TENM2: variants seen among roughly 807,000 people sequenced by gnomAD.
TENM2 encodes teneurin-2.
In TENM2, 52 loss-of-function variants were observed where a neutral mutation model predicts 245.2. The observed-to-expected ratio is 0.21, with a 90% CI of 0.17 to 0.27. The LOEUF is 0.27. Among genes scored for constraint, TENM2 ranks in the 10% least tolerant of loss-of-function variants. The pLI is 1.00. For missense variants in TENM2, 3,046 were observed against 3,666.8 expected (o/e 0.83, Z 4.37); for synonymous variants, 1,363 against 1,438.9 (o/e 0.95, Z 1.19).
the TENM2 span, among the ~76,000 whole-genome samples, chr5:167,210,922 T>G: frequency 6.6e-6 from 1 of 152,136 alleles, no homozygotes; most frequent in Non-Finnish European, 1.5e-5. Context: ...ATGTATTATC[T>G]CCCCTTCAGG....
At chr5:168,172,398 G>A (rs752884962) in intron 13 of TENM2, among the ~76,000 whole-genome samples, 10 of 152,252 alleles carry the variant, frequency 6.6e-5, no homozygotes, top group South Asian at 4.1e-4. Flanking sequence ...TTGCTAAAAC[G>A]TCACCCACAT....
chr5:168,168,460 A>C (rs1409426253), intron 13 of TENM2, among the ~76,000 whole-genome samples: 4 of 152,208 alleles, frequency 2.6e-5, no homozygotes, highest in African/African-American at 9.6e-5. Flanking sequence ...TGGGTGGATT[A>C]CTTGAGCTCA....
chr5:167,205,082 C>T, the TENM2 span, among the ~76,000 whole-genome samples: 2 of 152,124 alleles, frequency 1.3e-5, no homozygotes, highest in Non-Finnish European at 2.9e-5. Context: ...GGACTCTTTC[C>T]ATTGAATATG....
intron 1 of TENM2, among the ~76,000 whole-genome samples, chr5:167,298,160 C>A (rs1021163953): frequency 6.6e-6 from 1 of 151,810 alleles, no homozygotes; most frequent in African/African-American, 2.4e-5. Flanking sequence ...CTGCCTCGAG[C>A]GGGATTGGGG....
At chr5:167,929,705 CT>C (rs1778134859) in intron 3 of TENM2, among the ~76,000 whole-genome samples, 5 of 152,122 alleles carry the variant, frequency 3.3e-5, no homozygotes, top group Admixed American at 2.6e-4. Context: ...GACTCTGGAC[CT>C]GAAGGACTCT....
chr5:167,416,441 T>G (rs1040400440), intron 2 of TENM2, among the ~76,000 whole-genome samples: 1 of 152,188 alleles, frequency 6.6e-6, no homozygotes, highest in African/African-American at 2.4e-5. Context: ...GGGCTCCTAA[T>G]TGCAAGTAGT....
intron 2 of TENM2, among the ~76,000 whole-genome samples, chr5:167,481,072 G>T (rs970559310): frequency 4.6e-5 from 7 of 152,136 alleles, no homozygotes; most frequent in African/African-American, 1.7e-4. Context: ...GTACTGTCTG[G>T]TTGTGTAGTT....
At chr5:167,762,487 C>G (rs1762747381) in intron 2 of TENM2, among the ~76,000 whole-genome samples, 1 of 152,144 alleles carries the variant, frequency 6.6e-6, no homozygotes. Context: ...TTCTCTTGCC[C>G]ATGTGAAAAC....
At chr5:167,957,560 G>T (rs1031132479) in intron 4 of TENM2, among the ~76,000 whole-genome samples, 1 of 152,164 alleles carries the variant, frequency 6.6e-6, no homozygotes, top group African/African-American at 2.4e-5. Context: ...TTTGAATTGT[G>T]ATGTTAGGGT....
chr5:167,218,193 T>G, the TENM2 span, among the ~76,000 whole-genome samples: 1 of 152,244 alleles, frequency 6.6e-6, no homozygotes, highest in Admixed American at 6.5e-5. Context: ...CTCTGTTTTT[T>G]ATCCTAATTA....
the TENM2 span, among the ~76,000 whole-genome samples, chr5:167,023,519 A>G: frequency 6.6e-6 from 1 of 151,986 alleles, no homozygotes; most frequent in Non-Finnish European, 1.5e-5. Context: ...TGTGAGCATA[A>G]AAGTGTTGAT....
downstream of TENM2, chr5:168,263,040 A>C: frequency 2.0e-6 from 1 of 488,412 alleles, no homozygotes; most frequent in Non-Finnish European, 3.6e-6. Context: ...AAACAAAACA[A>C]ACGAATGAAT....
rs370994752 is a variant in TENM2 at position 167,690,101 on chromosome 5, C to CTT, written c.503-185860_503-185859dup. On this transcript the variant is annotated intron_variant, in intron 2 of 28. Transcript: ENST00000518659. ...AGGCGAAATTTAGGAAAAAAACACACTTTTTTTTTTTTTTTTTTTTTTTTT... is the reference window on the plus strand; with the variant it reads ...AGGCGAAATTTAGGAAAAAAACACACTTTTTTTTTTTTTTTTTTTTTTTTTTT... 1.1e-3 allele frequency among the ~76,000 whole-genome samples: 130 copies of CTT among 119,904 alleles called. 1 individual carries two copies. Among genetic ancestry groups the CTT allele is most frequent in the African/African-American group, 1.7e-3 (57 of 33,280 alleles). 78.7% of individuals were successfully genotyped at this position (119,904 alleles called of 152,430 possible).
At chr5:167,228,863 C>T in the TENM2 span, among the ~76,000 whole-genome samples, 1 of 152,140 alleles carries the variant, frequency 6.6e-6, no homozygotes, top group African/African-American at 2.4e-5. Flanking sequence ...CGCCACCACG[C>T]CCGGCTACTT....
chr5:167,008,781 C>T, the TENM2 span, among the ~76,000 whole-genome samples: 4 of 151,964 alleles, frequency 2.6e-5, no homozygotes, highest in African/African-American at 9.7e-5. Context: ...CGTGCCTGTG[C>T]GTTAGGTTTG....
chr5:167,350,763 GAT>G (rs1244103717), intron 1 of TENM2, among the ~76,000 whole-genome samples: 136 of 120,328 alleles, frequency 1.1e-3, no homozygotes, highest in African/African-American at 3.9e-3. Context: ...TATACATATG[GAT>G]ATATATATAT....
chr5:167,566,704 C>A (rs763876952), intron 2 of TENM2, among the ~76,000 whole-genome samples: 5 of 152,094 alleles, frequency 3.3e-5, no homozygotes, highest in Non-Finnish European at 7.4e-5. Flanking sequence ...TAACAAGAAC[C>A]AAATAGTCCA....
At position 167,936,322 on chromosome 5, in the gene TENM2, G is replaced by A. The variant is rs139440416; in HGVS notation, c.713-16266G>A. Among the ~76,000 whole-genome samples, 19 of 152,326 alleles carry A rather than the reference G, an allele frequency of 1.2e-4. No homozygotes were observed. The East Asian group carries it at 3.7e-3, about 29-fold the overall frequency. On this transcript the variant is annotated intron_variant, in intron 3 of 28. Coordinates refer to ENST00000518659, the Ensembl canonical transcript of TENM2. ...CACAGTATAGTTTCTTAAACAGCTT[G>A]CAATAGATCACATGAGCTTTAGCAA...
intron 2 of TENM2, among the ~76,000 whole-genome samples, chr5:167,391,622 CAAAA>C (rs56202184): frequency 7.5e-5 from 4 of 53,500 alleles, no homozygotes; most frequent in Admixed American, 4.4e-4. Context: ...AAGACTTCAT[CAAAA>C]AAAAAAAAAA....
Sources: gnomAD v4.1 joint callset for allele counts (sites outside exome capture counted in the v4.1 genomes callset) on GRCh38, gnomAD v4.1.1 for gene constraint, MANE v1.5 for transcripts, NCBI Gene and HGNC (gene_info 2026-07-23, HGNC 2026-07-21) for gene names.